The following NRXN1 variants were observed in gnomAD, a reference collection of about 807,000 sequenced individuals.
The protein encoded by NRXN1 is neurexin 1.
A neutral mutation model predicts 150.9 loss-of-function variants in NRXN1; 39 were observed. The observed-to-expected ratio is 0.26, with a 90% CI of 0.20 to 0.34. NRXN1 has a LOEUF of 0.34. Among genes scored for constraint, NRXN1 ranks in the 10% least tolerant of loss-of-function variants. NRXN1 has a pLI of 1.00. For synonymous variants in NRXN1, 924 were observed against 757.0 expected, an observed-to-expected ratio of 1.22 and a Z score of -3.62; for missense variants, 1,815 against 1,949.9, an observed-to-expected ratio of 0.93 and a Z score of 1.30.
chr2:50,576,381 C>T (rs1448315668), intron 8 of NRXN1, among the ~76,000 whole-genome samples: 1 of 151,850 alleles, frequency 6.6e-6, no homozygotes, highest in African/African-American at 2.4e-5. Flanking sequence ...ATTCTAGTGT[C>T]CAATATAAAA....
rs1490888511 is a variant in NRXN1 at position 50,783,971 on chromosome 2, A to G, written c.832+137898T>C. ...TCCACTTTTCTCAAAGCTACAAGTAACAAATATTCAACACTTCACAGAGTC... is the reference window on the plus strand; with the variant it reads ...TCCACTTTTCTCAAAGCTACAAGTAGCAAATATTCAACACTTCACAGAGTC... On this transcript the variant is annotated intron_variant, in intron 5 of 22. Transcript: ENST00000401669. Among the ~76,000 whole-genome samples, 5 of 152,130 alleles carry G rather than the reference A, an allele frequency of 3.3e-5. No individual in the cohort carries two copies. The East Asian group carries it at 7.7e-4, about 23-fold the overall frequency.
chr2:50,288,221 T>C (rs771326800), intron 17 of NRXN1, among the ~76,000 whole-genome samples: 2 of 152,138 alleles, frequency 1.3e-5, no homozygotes, highest in African/African-American at 2.4e-5. Context: ...TGGTTGTCAA[T>C]TGGAGAAGAT....
At chr2:50,428,250 C>T (rs1484403561) in intron 17 of NRXN1, among the ~76,000 whole-genome samples, 4 of 151,916 alleles carry the variant, frequency 2.6e-5, no homozygotes, top group African/African-American at 7.3e-5. Context: ...CCCGTCTCTA[C>T]GAAAAAATAA....
chr2:50,769,338 G>T (rs1175159424), intron 5 of NRXN1, among the ~76,000 whole-genome samples: 2 of 152,012 alleles, frequency 1.3e-5, no homozygotes, highest in African/African-American at 4.8e-5. Flanking sequence ...CTAATCTCCA[G>T]CAAAGAAACC....
chr2:50,402,355 T>C (rs2082446991), intron 17 of NRXN1, among the ~76,000 whole-genome samples: 1 of 152,068 alleles, frequency 6.6e-6, no homozygotes, highest in South Asian at 2.1e-4. Context: ...CACCCCTTTT[T>C]TAACATCAAA....
intron 21 of NRXN1, among the ~76,000 whole-genome samples, chr2:50,006,865 A>G (rs1370525034): frequency 1.3e-5 from 2 of 152,134 alleles, no homozygotes; most frequent in Non-Finnish European, 2.9e-5. Flanking sequence ...CAGTGCAAAC[A>G]CAAAGCACAA....
intron 17 of NRXN1, among the ~76,000 whole-genome samples, chr2:50,308,812 G>T (rs1056948505): frequency 6.6e-6 from 1 of 152,188 alleles, no homozygotes; most frequent in Non-Finnish European, 1.5e-5. Context: ...CAGGGAGTCA[G>T]ACAGATTTGG....
At chr2:50,531,862 T>A (rs2093124830) in intron 10 of NRXN1, among the ~76,000 whole-genome samples, 1 of 152,066 alleles carries the variant, frequency 6.6e-6, no homozygotes, top group Admixed American at 6.6e-5. Context: ...TGTTGTTTGT[T>A]TGTTTGAGAC....
At chr2:50,582,385 G>A (rs1024576617) in intron 8 of NRXN1, among the ~76,000 whole-genome samples, 11 of 149,374 alleles carry the variant, frequency 7.4e-5, no homozygotes, top group Admixed American at 1.4e-4. Flanking sequence ...GCAGGCTGAT[G>A]TGGGAGGTTC....
chr2:50,196,507 T>C (rs999255755), intron 18 of NRXN1, among the ~76,000 whole-genome samples: 4 of 152,150 alleles, frequency 2.6e-5, no homozygotes, highest in East Asian at 3.9e-4. Flanking sequence ...CTTTCTACCA[T>C]GCACCATCCT....
At chr2:50,561,584 C>A (rs1669091569) in intron 8 of NRXN1, among the ~76,000 whole-genome samples, 1 of 152,110 alleles carries the variant, frequency 6.6e-6, no homozygotes, top group African/African-American at 2.4e-5. Context: ...GAACAAGGAA[C>A]AAACTCTGCC....
chr2:50,821,572 C>A (rs1388695585), intron 5 of NRXN1, among the ~76,000 whole-genome samples: 1 of 151,990 alleles, frequency 6.6e-6, no homozygotes, highest in African/African-American at 2.4e-5. Context: ...AGAATAAGCA[C>A]CATAGAAGTG....
chr2:50,133,940 T>C (rs994491288), intron 18 of NRXN1, among the ~76,000 whole-genome samples: 1 of 152,112 alleles, frequency 6.6e-6, no homozygotes, highest in African/African-American at 2.4e-5. Context: ...AAAAGTTAAT[T>C]AGGAACAGGT....
In NRXN1 at chr2:49,920,505, G is replaced by A. The variant is rs929566843; in HGVS notation, c.*1439C>T. 6.6e-6 allele frequency: 1 copy of A among 152,520 alleles called. No individual in the cohort carries two copies. The highest frequency in any genetic ancestry group is 1.5e-5 in the Non-Finnish European group (1 of 68,024). 9.4% of individuals were successfully genotyped at this position (152,520 alleles called of 1,614,324 possible). A position where few individuals can be genotyped will look rare whatever the true frequency, so the allele number is the denominator to read the frequency against. ...AGTGATATTCTATTTGATAAGGAAAGGTTCATTTCTTTAGGGACTAAAATC... is the reference window on the plus strand; with the variant it reads ...AGTGATATTCTATTTGATAAGGAAAAGTTCATTTCTTTAGGGACTAAAATC... On this transcript the variant is annotated 3_prime_UTR_variant, in exon 23 of 23. Coordinates refer to ENST00000401669, the MANE Select transcript of NRXN1 (RefSeq NM_001330078.2).
At chr2:50,065,574 A>T (rs1355379269) in intron 19 of NRXN1, among the ~76,000 whole-genome samples, 1 of 152,206 alleles carries the variant, frequency 6.6e-6, no homozygotes, top group Non-Finnish European at 1.5e-5. Flanking sequence ...GGATAATTTT[A>T]TCATCTCCAT....
At chr2:50,739,251 TA>T (rs1276523751) in intron 5 of NRXN1, 11 of 508,086 alleles carry the variant, frequency 2.2e-5, no homozygotes, top group African/African-American at 2.1e-4. Context: ...GATATTTTAT[TA>T]ATGAGACTTA....
In NRXN1 at chr2:50,465,544, G is replaced by C. The variant is rs1459737295; in HGVS notation, c.3262C>G (p.Gln1088Glu). 1 of 1,609,320 alleles carries C rather than the reference G, an allele frequency of 6.2e-7. No individual in the cohort carries two copies. The highest frequency in any genetic ancestry group is 8.5e-7 in the Non-Finnish European group (1 of 1,177,468). The change falls in exon 17 of 23, where the codon CAA becomes GAA. Residue 1088 changes from glutamine to glutamate, a missense_variant. Coordinates refer to ENST00000401669, the MANE Select transcript of NRXN1 (RefSeq NM_001330078.2). ...RGCEGPSTTC[Q>E]EDSCSNQGVC... ...CCTTGATTGGAACATGAGTCCTCTT[G>C]GCAGGTTGTGCTGGGCCCTGCAAAA...
intron 5 of NRXN1, chr2:50,917,677 G>C (rs1685408741): frequency 6.6e-6 from 1 of 151,644 alleles, no homozygotes; most frequent in Non-Finnish European, 1.5e-5. Flanking sequence ...AGGACACAAA[G>C]AGAAGGTAGT....
chr2:49,968,980 A>G (rs1198216202), intron 21 of NRXN1, among the ~76,000 whole-genome samples: 1 of 152,104 alleles, frequency 6.6e-6, no homozygotes, highest in Admixed American at 6.6e-5. Context: ...ACAGATCTTA[A>G]CTAACAATGT....
Sources: allele counts gnomAD v4.1 joint callset (sites outside exome capture counted in the v4.1 genomes callset), GRCh38; gene constraint gnomAD v4.1.1; transcripts MANE v1.5; gene names NCBI Gene and HGNC (gene_info 2026-07-23, HGNC 2026-07-21).